CDH18: variants seen among roughly 807,000 people sequenced by gnomAD.
CDH18 encodes the protein cadherin-18.
CDH18 carries 31 observed loss-of-function variants against 67.9 expected under a neutral mutation model. That is an observed-to-expected ratio of 0.46 (90% CI 0.34 to 0.62). The LOEUF is 0.62. Ranked by LOEUF, CDH18 falls within the 20% of genes least tolerant of loss-of-function variation. The probability of loss-of-function intolerance (pLI) is 0.01; values close to 1 mark genes in which losing one functional copy is unlikely to be tolerated. For missense variants in CDH18, 890 were observed against 975.5 expected (o/e 0.91, Z 1.17); for synonymous variants, 362 against 347.2 (o/e 1.04, Z -0.48).
chr5:20,200,584 A>G (rs558555826), intron 2 of CDH18, among the ~76,000 whole-genome samples: 1 of 152,166 alleles, frequency 6.6e-6, no homozygotes, highest in South Asian at 2.1e-4. Context: ...GCTGAGGTAA[A>G]GGATAGCTTG....
chr5:19,948,686 A>G (rs1795504773), intron 2 of CDH18, among the ~76,000 whole-genome samples: 1 of 152,142 alleles, frequency 6.6e-6, no homozygotes, highest in Non-Finnish European at 1.5e-5. Flanking sequence ...AAATAACTTT[A>G]GAAATCTGAA....
intron 2 of CDH18, among the ~76,000 whole-genome samples, chr5:20,093,206 C>T (rs578195234): frequency 6.6e-6 from 1 of 151,898 alleles, no homozygotes; most frequent in South Asian, 2.1e-4. Flanking sequence ...CACCATCTCA[C>T]TCACACACAT....
At chr5:19,840,143 C>T (rs936377857) in intron 2 of CDH18, among the ~76,000 whole-genome samples, 1 of 150,990 alleles carries the variant, frequency 6.6e-6, no homozygotes, top group Non-Finnish European at 1.5e-5. Context: ...TGGCGGTCAC[C>T]TGTAGTCCCA....
chr5:20,274,899 G>C (rs1277749890), intron 1 of CDH18, among the ~76,000 whole-genome samples: 2 of 152,050 alleles, frequency 1.3e-5, no homozygotes, highest in South Asian at 2.1e-4. Context: ...GATGGCCTGA[G>C]AGAACTGTAA....
At chr5:20,435,832 G>A (rs1345196444) in intron 1 of CDH18, among the ~76,000 whole-genome samples, 1 of 151,846 alleles carries the variant, frequency 6.6e-6, no homozygotes, top group Non-Finnish European at 1.5e-5. Context: ...AGATATCAAA[G>A]GTAAAATCAA....
At chr5:19,928,831 A>G (rs1793373151) in intron 2 of CDH18, among the ~76,000 whole-genome samples, 1 of 152,096 alleles carries the variant, frequency 6.6e-6, no homozygotes, top group African/African-American at 2.4e-5. Flanking sequence ...CTCTTCACAT[A>G]TGTTATCTTA....
chr5:20,172,212 A>ATG lies in CDH18; in HGVS notation c.-518+83231_-518+83232insCA, dbSNP rs1554098741. Reference sequence around the variant, plus strand: ...TGTGTATATATATATATATATATATATATATATATATGTATATATATATAT... The same window carrying ATG: ...TGTGTATATATATATATATATATATATGTATATATATATGTATATATATATAT... On this transcript the variant is annotated intron_variant, in intron 2 of 14. Transcript: ENST00000507958. Among the ~76,000 whole-genome samples the ATG allele has an allele frequency of 3.2e-4, 16 of 50,710 alleles. 1 individual carries two copies. The highest frequency in any genetic ancestry group is 5.6e-4 in the Non-Finnish European group (15 of 26,602). The allele number at this position is 50,710 out of a possible 152,430, so 33.3% of individuals were successfully genotyped here. A position where few individuals can be genotyped will look rare whatever the true frequency, so the allele number is the denominator to read the frequency against.
intron 1 of CDH18, among the ~76,000 whole-genome samples, chr5:20,522,688 C>G (rs990155970): frequency 1.3e-5 from 2 of 152,160 alleles, no homozygotes; most frequent in African/African-American, 4.8e-5. Flanking sequence ...TGGAACATTT[C>G]AGGACCAATA....
chr5:20,098,159 C>A (rs984625530), intron 2 of CDH18, among the ~76,000 whole-genome samples: 4 of 151,822 alleles, frequency 2.6e-5, no homozygotes, highest in Non-Finnish European at 5.9e-5. Flanking sequence ...AGAATTAATG[C>A]AACCATTTGA....
intron 2 of CDH18, among the ~76,000 whole-genome samples, chr5:20,149,779 C>A (rs2126562369): frequency 6.6e-6 from 1 of 152,174 alleles, no homozygotes; most frequent in South Asian, 2.1e-4. Flanking sequence ...TCTTTGCTGT[C>A]CACATTTTCT....
chr5:20,063,861 G>T (rs1217053208), intron 2 of CDH18, among the ~76,000 whole-genome samples: 1 of 152,122 alleles, frequency 6.6e-6, no homozygotes. Context: ...AATAAATGTT[G>T]TCTGGACACT....
At chr5:20,128,252 A>G (rs73762493) in intron 2 of CDH18, among the ~76,000 whole-genome samples, 7,162 of 152,188 alleles carry the variant, frequency 0.047, 611 homozygotes, top group African/African-American at 0.16. Flanking sequence ...CTATGAAAAT[A>G]GAAAATAAAA....
At chr5:20,260,150 T>C (rs1039766707) in intron 1 of CDH18, among the ~76,000 whole-genome samples, 3 of 151,188 alleles carry the variant, frequency 2.0e-5, no homozygotes, top group African/African-American at 7.3e-5. Context: ...ATCAAGAAAA[T>C]CCAACATTTC....
At chr5:20,537,896 A>G (rs1024222317) in intron 1 of CDH18, among the ~76,000 whole-genome samples, 1 of 152,190 alleles carries the variant, frequency 6.6e-6, no homozygotes, top group African/African-American at 2.4e-5. Flanking sequence ...GGGCTTCATA[A>G]TCCCACACAG....
chr5:19,732,446 G>A (rs1315689662), intron 4 of CDH18, among the ~76,000 whole-genome samples: 1 of 152,042 alleles, frequency 6.6e-6, no homozygotes, highest in Non-Finnish European at 1.5e-5. Context: ...AGTGAGAGCA[G>A]CGGGCTATGA....
intron 5 of CDH18, among the ~76,000 whole-genome samples, chr5:19,666,952 A>G (rs553743729): frequency 6.6e-6 from 1 of 152,118 alleles, no homozygotes; most frequent in Non-Finnish European, 1.5e-5. Context: ...TTAATTCAGC[A>G]TCAAATAAAT....
chr5:20,031,685 C>T (rs758569672), intron 2 of CDH18, among the ~76,000 whole-genome samples: 9 of 151,900 alleles, frequency 5.9e-5, no homozygotes, highest in Admixed American at 1.3e-4. Context: ...GCAGCAACTC[C>T]GGAGAATCTT....
intron 1 of CDH18, among the ~76,000 whole-genome samples, chr5:20,293,793 C>A (rs1418829375): frequency 6.6e-6 from 1 of 152,044 alleles, no homozygotes; most frequent in Non-Finnish European, 1.5e-5. Context: ...TTCTATTATA[C>A]AAATAGTGTA....
At chr5:19,729,288 A>G (rs1767279168) in intron 4 of CDH18, among the ~76,000 whole-genome samples, 1 of 152,238 alleles carries the variant, frequency 6.6e-6, no homozygotes, top group South Asian at 2.1e-4. Flanking sequence ...TTAATAAAAT[A>G]ATTAAGTTAA....
Sources: allele counts gnomAD v4.1 joint callset (sites outside exome capture counted in the v4.1 genomes callset), GRCh38; gene constraint gnomAD v4.1.1; transcripts MANE v1.5; gene names NCBI Gene and HGNC (gene_info 2026-07-23, HGNC 2026-07-21).